The following EXOC4 variants were observed in gnomAD, a reference collection of about 807,000 sequenced individuals.
The protein encoded by EXOC4 is exocyst complex component 4, also known as SEC8-like 1.
A neutral mutation model predicts 107.2 loss-of-function variants in EXOC4; 71 were observed. The observed-to-expected ratio is 0.66, with a 90% CI of 0.55 to 0.81. The LOEUF is 0.81. EXOC4 is among the 30% of genes least tolerant of loss of function. The probability of loss-of-function intolerance (pLI) is 0.00; values close to 1 mark genes in which losing one functional copy is unlikely to be tolerated. For missense variants in EXOC4, 1,108 were observed against 1,189.6 expected (o/e 0.93, Z 1.01); for synonymous variants, 456 against 441.2 (o/e 1.03, Z -0.42).
chr7:133,364,964 A>G (rs1308839026), intron 6 of EXOC4, among the ~76,000 whole-genome samples: 1 of 152,082 alleles, frequency 6.6e-6, no homozygotes, highest in South Asian at 2.1e-4. Flanking sequence ...TTTCCAACCC[A>G]TGTCATGGGC....
chr7:133,414,443 A>C (rs1797429056), intron 7 of EXOC4, among the ~76,000 whole-genome samples: 1 of 152,202 alleles, frequency 6.6e-6, no homozygotes, highest in South Asian at 2.1e-4. Flanking sequence ...CATATTCTGC[A>C]ACTCAGCCAT....
chr7:133,788,326 A>T (rs1796631224), intron 10 of EXOC4, among the ~76,000 whole-genome samples: 1 of 151,642 alleles, frequency 6.6e-6, no homozygotes. Context: ...TGCCCATTTC[A>T]TGTCTCCACT....
At chr7:133,555,179 A>G (rs1262157262) in intron 9 of EXOC4, among the ~76,000 whole-genome samples, 1 of 152,212 alleles carries the variant, frequency 6.6e-6, no homozygotes, top group African/African-American at 2.4e-5. Flanking sequence ...AGATGGAAAA[A>G]CTAGTAATAT....
chr7:133,541,344 G>A (rs1800375963), intron 9 of EXOC4, among the ~76,000 whole-genome samples: 2 of 152,124 alleles, frequency 1.3e-5, no homozygotes, highest in Non-Finnish European at 2.9e-5. Context: ...GGGCACTGTG[G>A]TTAGAATCTC....
At chr7:133,606,511 A>AT (rs1464398492) in intron 9 of EXOC4, among the ~76,000 whole-genome samples, 10 of 141,840 alleles carry the variant, frequency 7.1e-5, no homozygotes, top group African/African-American at 2.5e-4. Context: ...TATTATTATT[A>AT]TTATTATTTT....
At chr7:133,929,871 A>G (rs768117869) in intron 13 of EXOC4, among the ~76,000 whole-genome samples, 7 of 151,804 alleles carry the variant, frequency 4.6e-5, no homozygotes, top group Non-Finnish European at 8.8e-5. Flanking sequence ...TCTCTTCTCT[A>G]TTCCAAGAGA....
chr7:133,930,941 A>G (rs1328138016), intron 13 of EXOC4, among the ~76,000 whole-genome samples: 1 of 147,802 alleles, frequency 6.8e-6, no homozygotes, highest in East Asian at 2.0e-4. Context: ...TAATTGTACT[A>G]TTTTTAGTTA....
At chr7:133,772,494 C>T (rs1340230143) in intron 10 of EXOC4, among the ~76,000 whole-genome samples, 1 of 150,626 alleles carries the variant, frequency 6.6e-6, no homozygotes, top group African/African-American at 2.4e-5. Context: ...CTAACCTGCA[C>T]AATGTGCACA....
intron 9 of EXOC4, among the ~76,000 whole-genome samples, chr7:133,626,337 G>A (rs938636681): frequency 5.9e-5 from 9 of 152,170 alleles, no homozygotes. Context: ...TCAGGACTCA[G>A]ACCTTATGAT....
At chr7:133,422,101 G>C (rs1044687704) in intron 7 of EXOC4, among the ~76,000 whole-genome samples, 2 of 152,116 alleles carry the variant, frequency 1.3e-5, no homozygotes, top group Non-Finnish European at 2.9e-5. Flanking sequence ...GAGCCCTTTT[G>C]TCCCTGATTG....
At chr7:133,668,602 G>A (rs1459718947) in intron 10 of EXOC4, among the ~76,000 whole-genome samples, 3 of 152,300 alleles carry the variant, frequency 2.0e-5, no homozygotes, top group South Asian at 4.1e-4. Context: ...TTAAGCATGT[G>A]TCCTGGGAAT....
At chr7:133,312,880 C>A (rs934092064) in intron 4 of EXOC4, among the ~76,000 whole-genome samples, 4 of 151,448 alleles carry the variant, frequency 2.6e-5, no homozygotes, top group African/African-American at 7.3e-5. Context: ...CCTTTATAAT[C>A]GGATAAAATT....
chr7:133,512,322 C>T lies in EXOC4; in HGVS notation c.1417+32184C>T, dbSNP rs189637878. ...GCTCGTGCCTATAATCCCAGCTGCT[C>T]GGGAACTAAGGCAGTAGAATCACTA... On this transcript the variant is annotated intron_variant, in intron 9 of 17. Coordinates refer to ENST00000253861, the MANE Select transcript of EXOC4 (RefSeq NM_021807.4). Among the ~76,000 whole-genome samples the T allele has an allele frequency of 2.5e-3, 387 of 151,908 alleles. 3 individuals carry two copies. Among genetic ancestry groups the T allele is most frequent in the Non-Finnish European group, 3.3e-3 (223 of 67,974 alleles).
chr7:133,676,927 CTGTGTG>C (rs559035446), intron 10 of EXOC4, among the ~76,000 whole-genome samples: 2 of 124,660 alleles, frequency 1.6e-5, no homozygotes, highest in African/African-American at 5.9e-5. Flanking sequence ...GTAGTAAACT[CTGTGTG>C]TGTGTGTGTG....
intron 6 of EXOC4, among the ~76,000 whole-genome samples, chr7:133,362,331 T>C: frequency 6.6e-6 from 1 of 152,210 alleles, no homozygotes; most frequent in Non-Finnish European, 1.5e-5. Context: ...TATACTGTAT[T>C]GTAAGGGGTT....
intron 10 of EXOC4, among the ~76,000 whole-genome samples, chr7:133,697,562 TG>T (rs1438702314): frequency 6.6e-6 from 1 of 152,240 alleles, no homozygotes; most frequent in African/African-American, 2.4e-5. Context: ...AAATTATTCT[TG>T]GCACTTGTTA....
At chr7:134,021,626 G>A (rs965914178) in intron 17 of EXOC4, among the ~76,000 whole-genome samples, 4 of 150,594 alleles carry the variant, frequency 2.7e-5, no homozygotes, top group African/African-American at 4.9e-5. Flanking sequence ...TTCAGTTGCC[G>A]TGTGATGATT....
intron 2 of EXOC4, among the ~76,000 whole-genome samples, chr7:133,276,965 AT>A (rs547397967): frequency 0.01 from 1,453 of 144,998 alleles, 13 homozygotes; most frequent in African/African-American, 0.032. Flanking sequence ...TTAACTGGGC[AT>A]TTTTTTTTTT....
intron 9 of EXOC4, among the ~76,000 whole-genome samples, chr7:133,612,845 T>C (rs1802101569): frequency 6.6e-6 from 1 of 152,176 alleles, no homozygotes; most frequent in Non-Finnish European, 1.5e-5. Flanking sequence ...TCCAAAGTTT[T>C]AGACATGAAC....
Sources: gnomAD v4.1 joint callset for allele counts (sites outside exome capture counted in the v4.1 genomes callset) on GRCh38, gnomAD v4.1.1 for gene constraint, MANE v1.5 for transcripts, NCBI Gene and HGNC (gene_info 2026-07-23, HGNC 2026-07-21) for gene names.